The following CDC25A variants were observed in gnomAD, a reference collection of about 807,000 sequenced individuals.
The protein encoded by CDC25A is cell division cycle 25A.
CDC25A carries 17 observed loss-of-function variants against 64.6 expected under a neutral mutation model. The ratio of observed to expected loss-of-function variants is 0.26; its 90% CI spans 0.18 to 0.39. The LOEUF (loss-of-function observed/expected upper bound fraction) is 0.39. CDC25A is among the 10% of genes least tolerant of loss of function. The pLI is 1.00. For missense variants in CDC25A, 473 were observed against 654.8 expected (o/e 0.72, Z 3.03); for synonymous variants, 229 against 238.6 (o/e 0.96, Z 0.37).
chr3:48,179,373 G>A (rs1490701439), intron 6 of CDC25A, among the ~76,000 whole-genome samples: 1 of 152,128 alleles, frequency 6.6e-6, no homozygotes. Flanking sequence ...GTGTACTTGG[G>A]AATTTAGAGA....
intron 5 of CDC25A, among the ~76,000 whole-genome samples, chr3:48,181,075 A>C (rs1190469420): frequency 6.6e-6 from 1 of 152,240 alleles, no homozygotes; most frequent in Non-Finnish European, 1.5e-5. Flanking sequence ...GTATCTGCCA[A>C]ATATACAAAA....
chr3:48,160,166 C>T (rs2031688724), intron 13 of CDC25A, among the ~76,000 whole-genome samples: 1 of 152,206 alleles, frequency 6.6e-6, no homozygotes, highest in Non-Finnish European at 1.5e-5. Context: ...GGCTGGAGTG[C>T]AAGGGCGTGA....
chr3:48,166,505 C>T lies in CDC25A; in HGVS notation c.1030-612G>A, dbSNP rs1183242287. Among the ~76,000 whole-genome samples the T allele has an allele frequency of 2.0e-5, 3 of 152,190 alleles. No homozygotes were observed. In the East Asian group the frequency reaches 5.8e-4, roughly 29 times the overall value. ...TCCTCCTGCTTTTGTCAAGAATCCA[C>T]ACGTCAGTAGTTAGACTGCGAATAG... On this transcript the variant is annotated intron_variant, in intron 10 of 14. Coordinates refer to ENST00000302506, the MANE Select transcript of CDC25A (RefSeq NM_001789.3).
rs1315662016 is a variant in CDC25A, at chr3:48,187,728, C to A, written c.170+50G>T. On this transcript the variant is annotated intron_variant, in intron 1 of 14. Transcript: ENST00000302506. ...GTTTCCTGGCCTGATCTCTCCGAGG[C>A]CGACACCGAGGCCAGGGGCCCGGAG... 6.0e-6 allele frequency: 9 copies of A among 1,504,080 alleles called. No homozygotes were observed. In the Admixed American group the frequency reaches 1.4e-4, roughly 24 times the overall value. The allele number at this position is 1,504,080 out of a possible 1,614,324, so 93.2% of individuals were successfully genotyped here. A position where few individuals can be genotyped will look rare whatever the true frequency, so the allele number is the denominator to read the frequency against.
At chr3:48,162,550 G>A (rs929157678) in intron 13 of CDC25A, among the ~76,000 whole-genome samples, 1 of 151,830 alleles carries the variant, frequency 6.6e-6, no homozygotes, top group Non-Finnish European at 1.5e-5. Context: ...CTCTTCTTGA[G>A]CTTTAAAATG....
chr3:48,160,170 G>GGCGT (rs2031688839), intron 13 of CDC25A, among the ~76,000 whole-genome samples: 1 of 152,024 alleles, frequency 6.6e-6, no homozygotes, highest in Non-Finnish European at 1.5e-5. Flanking sequence ...GGAGTGCAAG[G>GGCGT]GCGTGACCTC....
rs1165702551 is a variant in CDC25A at position 48,177,462 on chromosome 3, G to T, written c.685-20C>A. ...CTCATTCTAAAGAAACAGAAAAACT[G>T]ATTTTAAAAAGAGCCTGTAGAGACT... On this transcript the variant is annotated intron_variant, in intron 7 of 14. Transcript: ENST00000302506. 1.4e-5 allele frequency: 23 copies of T among 1,601,422 alleles called. No individual in the cohort carries two copies. The highest frequency in any genetic ancestry group is 1.9e-5 in the Non-Finnish European group (22 of 1,169,256).
rs1199738200 is a variant in CDC25A, at chr3:48,187,908, G to C, written c.40C>G (p.Leu14Val). The C allele has an allele frequency of 1.4e-5, 21 of 1,539,086 alleles. No individual in the cohort carries two copies. The highest frequency in any genetic ancestry group is 1.8e-5 in the Non-Finnish European group (21 of 1,143,734). The change falls in exon 1 of 15, where the codon CTC becomes GTC. Residue 14 changes from leucine to valine, a missense_variant. Leu to Val is a conservative substitution (Grantham distance 32). Transcript: ENST00000302506. ...GCGGGAGGGGGGCTGCAGGCGAAGAGCAGGCGGCGGCGGTGCGGGGGCTCC... is the reference window on the plus strand; with the variant it reads ...GCGGGAGGGGGGCTGCAGGCGAAGACCAGGCGGCGGCGGTGCGGGGGCTCC... ...GPEPPHRRRL[L>V]FACSPPPASQ...
chr3:48,181,748 G>A, intron 5 of CDC25A: 1 of 635,984 alleles, frequency 1.6e-6, no homozygotes, highest in Non-Finnish European at 2.9e-6. Flanking sequence ...ATTATAGAAT[G>A]TTCACATTTT....
At position 48,158,765 on chromosome 3, in the gene CDC25A, C is replaced by A; in HGVS notation, c.*180G>T. 1.5e-6 allele frequency: 1 copy of A among 687,250 alleles called. No homozygotes were observed. Among genetic ancestry groups the A allele is most frequent in the Non-Finnish European group, 2.5e-6 (1 of 402,420 alleles). The allele number at this position is 687,250 out of a possible 1,614,324, so 42.6% of individuals were successfully genotyped here. On this transcript the variant is annotated 3_prime_UTR_variant, in exon 15 of 15. Coordinates refer to ENST00000302506, the MANE Select transcript of CDC25A (RefSeq NM_001789.3). The stretch of plus-strand genomic sequence containing the variant: ...TCTAACAGGGACAGAAGAGGCGTAG[C>A]CAGCAAGATGCCCTGGGCTCCAACC...
chr3:48,163,465 G>C (rs919904524), intron 13 of CDC25A, among the ~76,000 whole-genome samples: 19 of 151,898 alleles, frequency 1.3e-4, no homozygotes, highest in African/African-American at 4.6e-4. Context: ...TTAGCCGGGC[G>C]TGATGGCGCA....
Position 48,157,602 on chromosome 3 carries a change from T to C in CDC25A, c.*1343A>G, listed in dbSNP as rs753961712. On this transcript the variant is annotated 3_prime_UTR_variant, in exon 15 of 15. Transcript: ENST00000302506. ...CTGAAACAGGTCTCTCTAGAATCAA[T>C]GAAGTCTGCCCCAGCTCCTTGGATG... The C allele has an allele frequency of 1.3e-5, 2 of 152,644 alleles. No homozygotes were observed. Among genetic ancestry groups the C allele is most frequent in the Non-Finnish European group, 2.9e-5 (2 of 68,046 alleles). The allele number at this position is 152,644 out of a possible 1,614,324, so 9.5% of individuals were successfully genotyped here.
At chr3:48,174,619 T>C in intron 8 of CDC25A, 162 bp from the exon 9 acceptor site, 1 of 628,994 alleles carries the variant, frequency 1.6e-6, no homozygotes, top group Admixed American at 3.1e-5. Context: ...TCACAGGGCC[T>C]GGCACATAGT....
At chr3:48,186,270 G>T (rs1340500812) in intron 2 of CDC25A, among the ~76,000 whole-genome samples, 1 of 152,076 alleles carries the variant, frequency 6.6e-6, no homozygotes, top group East Asian at 1.9e-4. Flanking sequence ...CCTTTGTATT[G>T]TTCTCAATAA....
At chr3:48,186,813 A>G (rs767868613) in intron 1 of CDC25A, 34 bp from the exon 2 acceptor site, 1 of 1,390,892 alleles carries the variant, frequency 7.2e-7, no homozygotes, top group South Asian at 1.2e-5. Flanking sequence ...TGAATGATTT[A>G]TAGGATATAA....
At chr3:48,184,102 A>G (rs2106762247) in intron 3 of CDC25A, among the ~76,000 whole-genome samples, 1 of 152,196 alleles carries the variant, frequency 6.6e-6, no homozygotes, top group South Asian at 2.1e-4. Context: ...ATGTAATCCC[A>G]GCACTATGGG....
rs376392070 is a variant in CDC25A at position 48,165,370 on chromosome 3, G to C, written c.1191+266C>G. 1.1e-4 allele frequency among the ~76,000 whole-genome samples: 17 copies of C among 152,156 alleles called. No individual in the cohort carries two copies. In the East Asian group the frequency reaches 2.1e-3, roughly 19 times the overall value. ...TCCCCCGAATGACTTAAACATCAGT[G>C]GGTACCTCCTACAAGTGTCCTTGAT... On this transcript the variant is annotated intron_variant, in intron 12 of 14. Coordinates refer to ENST00000302506, the MANE Select transcript of CDC25A (RefSeq NM_001789.3).
rs770866002 is a variant in CDC25A at position 48,184,685 on chromosome 3, T to G, written c.258A>C (p.Leu86=). The part of the protein sequence containing the change: ...SSESTDSGFC[L]DSPGPLDSKE... Reference sequence around the variant, plus strand: ...TACTGTCCAATGGCCCAGGAGAATCTAGACAGAAACCTATGGGGAAAAAAA... The same window carrying G: ...TACTGTCCAATGGCCCAGGAGAATCGAGACAGAAACCTATGGGGAAAAAAA... The change falls in exon 3 of 15, where the codon CTA becomes CTC. Residue 86 remains leucine, a synonymous_variant. Transcript: ENST00000302506. 1 of 1,590,060 alleles carries G rather than the reference T, an allele frequency of 6.3e-7. No individual in the cohort carries two copies. Among genetic ancestry groups the G allele is most frequent in the Non-Finnish European group, 8.5e-7 (1 of 1,171,494 alleles).
chr3:48,185,334 T>A (rs1318798911), intron 2 of CDC25A, among the ~76,000 whole-genome samples: 1 of 150,714 alleles, frequency 6.6e-6, no homozygotes, highest in African/African-American at 2.5e-5. Context: ...GAGGTTCGCT[T>A]GAGCTCGGAA....
Sources: allele counts gnomAD v4.1 joint callset (sites outside exome capture counted in the v4.1 genomes callset), GRCh38; gene constraint gnomAD v4.1.1; transcripts MANE v1.5; gene names NCBI Gene and HGNC (gene_info 2026-07-23, HGNC 2026-07-21).